The following SEL1L variants were observed in gnomAD, a reference collection of about 807,000 sequenced individuals.
SEL1L encodes SEL1L adaptor subunit of SYVN1 ubiquitin ligase.
Under a neutral mutation model 109.8 loss-of-function variants are expected in SEL1L, and 52 were observed. That is an observed-to-expected ratio of 0.47 (90% confidence interval 0.38 to 0.60). SEL1L has a LOEUF of 0.60. SEL1L is among the 20% of genes least tolerant of loss of function. SEL1L has a pLI of 0.00. For missense variants in SEL1L, 749 were observed against 962.2 expected (o/e 0.78, Z 2.93); for synonymous variants, 373 against 339.6 (o/e 1.10, Z -1.08).
At chr14:81,478,066 T>C (rs1299640486) in intron 20 of SEL1L, among the ~76,000 whole-genome samples, 2 of 152,250 alleles carry the variant, frequency 1.3e-5, no homozygotes, top group African/African-American at 4.8e-5. Context: ...GAAAGTTATG[T>C]TCTTAGCCTA....
chr14:81,533,732 T>A lies in SEL1L; in HGVS notation c.13A>T (p.Ile5Leu), dbSNP rs1167850182. The A allele has an allele frequency of 1.2e-6, 2 of 1,613,372 alleles. No individual in the cohort carries two copies. Among genetic ancestry groups the A allele is most frequent in the African/African-American group, 1.3e-5 (1 of 74,918 alleles). ...GCACACAGCAGCAGCGTCAGCCCTA[T>A]CCGGACCCGCATCCTCCTCTCGGGG... MRVR[I>L]GLTLLLCAVL... is the part of the protein sequence containing the mutation. Residue 5 changes from isoleucine to leucine, a missense_variant, in exon 1 of 21, where the codon ATA becomes TTA. Ile to Leu is a conservative substitution (Grantham distance 5, BLOSUM62 2). Around this residue, in one of 2 missense-constraint regions of SEL1L, gnomAD observed 366 missense variants for 399.8 expected, o/e 0.92. Transcript: ENST00000336735.
intron 16 of SEL1L, among the ~76,000 whole-genome samples, chr14:81,487,035 G>A (rs1488384754): frequency 6.6e-6 from 1 of 150,576 alleles, no homozygotes; most frequent in African/African-American, 2.4e-5. Context: ...AAACTCCTGG[G>A]CTCAAGCCTT....
At chr14:81,499,563 T>A (rs1253113416) in intron 7 of SEL1L, 45 bp from the exon 8 acceptor site, 1 of 1,607,502 alleles carries the variant, frequency 6.2e-7, no homozygotes, top group East Asian at 2.2e-5. Flanking sequence ...GGCACGCATT[T>A]ATTCAATTCA....
rs59619942 is a variant in SEL1L at position 81,520,578 on chromosome 14, A to T, written c.340+6155T>A. On this transcript the variant is annotated intron_variant, in intron 3 of 20. Transcript: ENST00000336735. ...TGATAAGGTGGAAAGGGCTCGCAGC[A>T]GACCTGTAGTCTGTTCTTTCTTCTC... Among the ~76,000 whole-genome samples, 1,021 of 152,350 alleles carry T rather than the reference A, an allele frequency of 6.7e-3. 13 individuals carry two copies. Among genetic ancestry groups the T allele is most frequent in the African/African-American group, 0.022 (923 of 41,576 alleles).
intron 3 of SEL1L, 114 bp downstream of exon 3, chr14:81,526,619 T>A: frequency 1.3e-6 from 1 of 783,492 alleles, no homozygotes. Context: ...CTCCATATAT[T>A]ATTTGTGGGT....
intron 3 of SEL1L, among the ~76,000 whole-genome samples, chr14:81,507,552 G>A (rs928443751): frequency 6.6e-6 from 1 of 151,386 alleles, no homozygotes; most frequent in Admixed American, 6.6e-5. Flanking sequence ...TACATTCAAG[G>A]TGGCTATTAA....
intron 3 of SEL1L, among the ~76,000 whole-genome samples, chr14:81,515,228 C>T (rs1161885350): frequency 6.6e-6 from 1 of 152,174 alleles, no homozygotes; most frequent in Non-Finnish European, 1.5e-5. Flanking sequence ...GGGTACATGT[C>T]CCCTCCTCCC....
intron 14 of SEL1L, among the ~76,000 whole-genome samples, chr14:81,488,421 G>C (rs1883405531): frequency 6.6e-6 from 1 of 152,200 alleles, no homozygotes; most frequent in Admixed American, 6.5e-5. Flanking sequence ...TAGTGTCCTA[G>C]AATGACTAGA....
chr14:81,498,472 A>C lies in SEL1L; in HGVS notation c.914T>G (p.Ile305Ser), dbSNP rs1178610474. 1 of 1,613,972 alleles carries C rather than the reference A, an allele frequency of 6.2e-7. No individual in the cohort carries two copies. Among genetic ancestry groups the C allele is most frequent in the Non-Finnish European group, 8.5e-7 (1 of 1,179,966 alleles). Residue 305 changes from isoleucine to serine, a missense_variant, in exon 9 of 21, where the codon ATC (isoleucine) becomes AGC (serine). Around this residue, in one of 2 missense-constraint regions of SEL1L, gnomAD observed 366 missense variants for 399.8 expected, o/e 0.92. Transcript: ENST00000336735. ...MVLGYRYWAG[I>S]GVLQSCESAL... ...AGATTCACAACTCTGGAGGACGCCG[A>C]TGCCAGCCCAGTATCTGTAACCCTG... is the stretch of plus-strand genomic sequence containing the variant.
intron 4 of SEL1L, among the ~76,000 whole-genome samples, chr14:81,505,844 T>C (rs1189839247): frequency 6.6e-6 from 1 of 152,216 alleles, no homozygotes; most frequent in Non-Finnish European, 1.5e-5. Flanking sequence ...AACCTGTGTA[T>C]ACCAATGGAA....
intron 19 of SEL1L, among the ~76,000 whole-genome samples, chr14:81,481,138 G>A (rs1903344808): frequency 6.6e-6 from 1 of 152,198 alleles, no homozygotes; most frequent in Non-Finnish European, 1.5e-5. Flanking sequence ...TGTAAAGGGT[G>A]AAACCAGGCA....
chr14:81,527,360 A>G (rs902472121), intron 2 of SEL1L, among the ~76,000 whole-genome samples: 1 of 152,122 alleles, frequency 6.6e-6, no homozygotes, highest in East Asian at 1.9e-4. Context: ...CAATCAACCA[A>G]TAAGTGCATT....
intron 1 of SEL1L, among the ~76,000 whole-genome samples, chr14:81,528,322 G>A (rs1321700953): frequency 6.6e-6 from 1 of 152,136 alleles, no homozygotes; most frequent in Non-Finnish European, 1.5e-5. Flanking sequence ...GTAAAAAGCA[G>A]CATGGTCCTA....
intron 3 of SEL1L, among the ~76,000 whole-genome samples, chr14:81,518,312 T>C (rs1037738860): frequency 3.3e-5 from 5 of 150,202 alleles, no homozygotes; most frequent in Non-Finnish European, 7.4e-5. Flanking sequence ...AAAAAAAAAG[T>C]TAATACAGAA....
rs2139969833 is a variant in SEL1L at position 81,473,158 on chromosome 14, T to C, written c.*3814A>G. 6.6e-6 allele frequency: 1 copy of C among 152,380 alleles called. No individual in the cohort carries two copies. The highest frequency in any genetic ancestry group is 1.9e-4 in the East Asian group (1 of 5,194). The allele number at this position is 152,380 out of a possible 1,614,324, so 9.4% of individuals were successfully genotyped here. On this transcript the variant is annotated 3_prime_UTR_variant, in exon 21 of 21. Coordinates refer to ENST00000336735, the MANE Select transcript of SEL1L (RefSeq NM_005065.6). ...CTACATATTTATAGTGGTTACATCT[T>C]GATTATATCAACATTATGAGTTTTA...
chr14:81,495,165 G>A (rs763528042), intron 10 of SEL1L, 28 bp from the exon 11 acceptor site: 2 of 1,606,780 alleles, frequency 1.2e-6, no homozygotes, highest in African/African-American at 1.3e-5. Flanking sequence ...CAAGGCAAAA[G>A]TAAGTGGTAC....
In SEL1L at chr14:81,498,005, T is replaced by C; in HGVS notation, c.1015A>G (p.Arg339Gly). Residue 339 changes from arginine (R) to glycine (G), a missense_variant, in exon 10 of 21, where the codon AGA (arginine) becomes GGA (glycine). Transcript: ENST00000336735. ...ISLTGGSVVQ[R>G]IRLPDEVENP... is the part of the protein sequence containing the mutation. ...TCCACTTCATCAGGCAGCCGTATTC[T>C]CTGTACTACTGAGCCTCCTGTTAGC... The C allele has an allele frequency of 6.2e-7, 1 of 1,613,928 alleles. No homozygotes were observed. The highest frequency in any genetic ancestry group is 8.5e-7 in the Non-Finnish European group (1 of 1,179,906).
chr14:81,504,122 C>CT (rs1415025076), intron 5 of SEL1L, 79 bp downstream of exon 5: 27 of 845,980 alleles, frequency 3.2e-5, no homozygotes, highest in Non-Finnish European at 4.5e-5. Flanking sequence ...TGGCAGTGCA[C>CT]TTTTTAAAGA....
chr14:81,483,641 A>G (rs1903427459), intron 19 of SEL1L, among the ~76,000 whole-genome samples: 1 of 152,212 alleles, frequency 6.6e-6, no homozygotes, highest in Admixed American at 6.5e-5. Flanking sequence ...TTTAGATTCT[A>G]TTGGATATTT....
Sources: allele counts gnomAD v4.1 joint callset (sites outside exome capture counted in the v4.1 genomes callset), GRCh38; gene constraint gnomAD v4.1.1; regional missense constraint gnomAD v4.1.1; transcripts MANE v1.5; gene names NCBI Gene and HGNC (gene_info 2026-07-23, HGNC 2026-07-21).